The following CDK6 variants were observed in gnomAD, a reference collection of about 807,000 sequenced individuals.
CDK6 encodes the protein cyclin-dependent kinase 6.
A neutral mutation model predicts 37.1 loss-of-function variants in CDK6; 6 were observed. That is an observed-to-expected ratio of 0.16 (90% CI 0.09 to 0.32). CDK6 has a LOEUF of 0.32. Ranked by LOEUF, CDK6 falls within the 10% of genes least tolerant of loss-of-function variation. CDK6 has a pLI of 1.00. For missense variants in CDK6, 224 were observed against 418.9 expected (o/e 0.53, Z 4.06); for synonymous variants, 160 against 161.3 (o/e 0.99, Z 0.06).
At chr7:92,621,962 G>A (rs1433045576) in intron 6 of CDK6, among the ~76,000 whole-genome samples, 3 of 151,254 alleles carry the variant, frequency 2.0e-5, no homozygotes, top group Admixed American at 6.6e-5. Context: ...AAGCAGTCAC[G>A]CTTGAGTAGA....
chr7:92,788,591 C>T (rs1213667469), intron 2 of CDK6, among the ~76,000 whole-genome samples: 1 of 152,142 alleles, frequency 6.6e-6, no homozygotes, highest in Non-Finnish European at 1.5e-5. Flanking sequence ...TTTAATTCTG[C>T]ACCATTATTA....
At chr7:92,770,671 T>G (rs1208529937) in intron 3 of CDK6, among the ~76,000 whole-genome samples, 1 of 152,130 alleles carries the variant, frequency 6.6e-6, no homozygotes, top group African/African-American at 2.4e-5. Flanking sequence ...ACAAACGTGT[T>G]GATGAAATGA....
intron 3 of CDK6, among the ~76,000 whole-genome samples, chr7:92,774,428 A>G (rs1257083453): frequency 6.6e-6 from 1 of 152,224 alleles, no homozygotes; most frequent in Non-Finnish European, 1.5e-5. Flanking sequence ...TTTTTAAATA[A>G]TTTTAATATG....
At chr7:92,800,118 C>T (rs1416329704) in intron 2 of CDK6, among the ~76,000 whole-genome samples, 1 of 152,088 alleles carries the variant, frequency 6.6e-6, no homozygotes, top group African/African-American at 2.4e-5. Flanking sequence ...ATATGCAAAC[C>T]TTCCTCTCAT....
At chr7:92,691,211 T>C (rs1375499762) in intron 4 of CDK6, among the ~76,000 whole-genome samples, 2 of 152,178 alleles carry the variant, frequency 1.3e-5, no homozygotes, top group African/African-American at 4.8e-5. Context: ...TAACATATCA[T>C]GTCTGTCCTG....
intron 4 of CDK6, among the ~76,000 whole-genome samples, chr7:92,717,322 A>G (rs1470477959): frequency 6.6e-6 from 1 of 151,418 alleles, no homozygotes; most frequent in Non-Finnish European, 1.5e-5. Context: ...AGCCTGGACG[A>G]CACAGCAAGA....
chr7:92,786,440 T>C (rs1800133876), intron 2 of CDK6, among the ~76,000 whole-genome samples: 1 of 152,150 alleles, frequency 6.6e-6, no homozygotes, highest in Admixed American at 6.5e-5. Flanking sequence ...TGTTAAACCT[T>C]AGTAACTTAA....
intron 3 of CDK6, among the ~76,000 whole-genome samples, chr7:92,742,732 C>CAT (rs199809608): frequency 3.3e-4 from 48 of 145,104 alleles, no homozygotes; most frequent in Non-Finnish European, 5.9e-4. Context: ...AAAATGTATA[C>CAT]ATATATATAT....
At position 92,821,440 on chromosome 7, in the gene CDK6, C is replaced by T. The variant is rs550509779; in HGVS notation, c.233+11651G>A. Among the ~76,000 whole-genome samples, 4 of 152,174 alleles carry T rather than the reference C, an allele frequency of 2.6e-5. No individual in the cohort carries two copies. The South Asian group carries it at 8.3e-4, about 32-fold the overall frequency. On this transcript the variant is annotated intron_variant, in intron 2 of 7. Coordinates refer to ENST00000424848, the MANE Select transcript of CDK6 (RefSeq NM_001145306.2). ...AATATAAGATAATGGTTGTTTTAAG[C>T]CCCTACATGTTGGAGTAATTTACTA...
At chr7:92,645,817 T>G (rs1796433090) in intron 5 of CDK6, among the ~76,000 whole-genome samples, 1 of 152,234 alleles carries the variant, frequency 6.6e-6, no homozygotes, top group African/African-American at 2.4e-5. Context: ...CCTTCGGAGT[T>G]TATTTACTTC....
At chr7:92,694,899 T>C (rs1013356581) in intron 4 of CDK6, among the ~76,000 whole-genome samples, 6 of 152,304 alleles carry the variant, frequency 3.9e-5, no homozygotes, top group African/African-American at 1.4e-4. Context: ...TATTGAAATA[T>C]ATCTCTGGTT....
At chr7:92,791,776 G>C (rs1418753334) in intron 2 of CDK6, among the ~76,000 whole-genome samples, 1 of 152,128 alleles carries the variant, frequency 6.6e-6, no homozygotes, top group Non-Finnish European at 1.5e-5. Flanking sequence ...GTTTGGCATG[G>C]TCCTGGCAGA....
At chr7:92,712,737 T>C (rs1451199292) in intron 4 of CDK6, among the ~76,000 whole-genome samples, 1 of 152,234 alleles carries the variant, frequency 6.6e-6, no homozygotes, top group Non-Finnish European at 1.5e-5. Context: ...TTAAATATTG[T>C]GCTACATTTT....
Position 92,613,534 on chromosome 7 carries a change from G to C in CDK6, c.*1606C>G, listed in dbSNP as rs1795606641. 4.3e-6 allele frequency: 1 copy of C among 233,526 alleles called. No individual in the cohort carries two copies. The highest frequency in any genetic ancestry group is 5.6e-5 in the Admixed American group (1 of 17,778). 14.5% of individuals were successfully genotyped at this position (233,526 alleles called of 1,614,324 possible). A position where few individuals can be genotyped will look rare whatever the true frequency, so the allele number is the denominator to read the frequency against. On this transcript the variant is annotated 3_prime_UTR_variant, in exon 8 of 8. Transcript: ENST00000424848. Reference sequence around the variant, plus strand: ...TAAAGGACTGTAGAGAAAACAGTAAGAGAAAAAGGAAAAGCTGTTTACAAT... The same window carrying C: ...TAAAGGACTGTAGAGAAAACAGTAACAGAAAAAGGAAAAGCTGTTTACAAT...
chr7:92,734,580 G>A (rs1798737958), intron 3 of CDK6, among the ~76,000 whole-genome samples: 1 of 152,090 alleles, frequency 6.6e-6, no homozygotes, highest in East Asian at 1.9e-4. Flanking sequence ...GTCAATAAAT[G>A]CTCAATGAGT....
chr7:92,658,535 T>G (rs7804293), intron 5 of CDK6, among the ~76,000 whole-genome samples: 31,350 of 152,012 alleles, frequency 0.21, 3,921 homozygotes, highest in Middle Eastern at 0.36. Flanking sequence ...AATTTACATA[T>G]GTACATGTGT....
At chr7:92,786,277 C>CAA (rs549799948) in intron 2 of CDK6, among the ~76,000 whole-genome samples, 1 of 152,172 alleles carries the variant, frequency 6.6e-6, no homozygotes, top group African/African-American at 2.4e-5. Context: ...CACTGTAAGC[C>CAA]AAAAACCTTT....
chr7:92,821,696 A>T (rs1359794619), intron 2 of CDK6, among the ~76,000 whole-genome samples: 1 of 150,780 alleles, frequency 6.6e-6, no homozygotes. Context: ...TAATTCTTTC[A>T]TTACTATATA....
At chr7:92,681,386 G>GTAGA (rs908295525) in intron 4 of CDK6, among the ~76,000 whole-genome samples, 41 of 152,286 alleles carry the variant, frequency 2.7e-4, no homozygotes, top group African/African-American at 8.4e-4. Context: ...ACCAGCAAAG[G>GTAGA]TAGAATTCAG....
Sources: gnomAD v4.1 joint callset for allele counts (sites outside exome capture counted in the v4.1 genomes callset) on GRCh38, gnomAD v4.1.1 for gene constraint, MANE v1.5 for transcripts, NCBI Gene and HGNC (gene_info 2026-07-23, HGNC 2026-07-21) for gene names.